KIF6: variants seen among roughly 807,000 people sequenced by gnomAD.
KIF6 encodes kinesin-like protein KIF6.
A neutral mutation model predicts 112.7 loss-of-function variants in KIF6; 106 were observed. The observed-to-expected ratio is 0.94, with a 90% CI of 0.80 to 1.11. KIF6 has a LOEUF of 1.11. Among genes scored for constraint, KIF6 ranks in the 50% least tolerant of loss-of-function variants. KIF6 has a pLI of 0.00. For missense variants in KIF6, 929 were observed against 964.0 expected (o/e 0.96, Z 0.48); for synonymous variants, 339 against 339.9 (o/e 1.00, Z 0.03).
chr6:39,501,026 C>T (rs539940259), intron 13 of KIF6, among the ~76,000 whole-genome samples: 2 of 152,134 alleles, frequency 1.3e-5, no homozygotes, highest in African/African-American at 2.4e-5. Flanking sequence ...GCACCTTCAA[C>T]TGAAATATCT....
chr6:39,704,618 T>C (rs1447343843), intron 3 of KIF6, among the ~76,000 whole-genome samples: 11 of 144,034 alleles, frequency 7.6e-5, no homozygotes, highest in Admixed American at 6.3e-4. Flanking sequence ...ACTCCGTCTT[T>C]AAAAAAAAAA....
In KIF6 at chr6:39,342,384, T is replaced by C. The variant is rs1483018605; in HGVS notation, c.2428+1325A>G. Among the ~76,000 whole-genome samples the C allele has an allele frequency of 6.6e-6, 1 of 152,210 alleles. No homozygotes were observed. The highest frequency in any genetic ancestry group is 1.5e-5 in the Non-Finnish European group (1 of 68,030). On this transcript the variant is annotated intron_variant, in intron 22 of 22. Transcript: ENST00000287152. This position sits in a 1 kb window ranked among gnomAD's most constrained non-coding sequence, Gnocchi z 4.7. ...GTCGACGTGTTCATTGTCTGTCTCCTTCCTCCCCCTAGAATGTCAGTTTCT... is the reference window on the plus strand; with the variant it reads ...GTCGACGTGTTCATTGTCTGTCTCCCTCCTCCCCCTAGAATGTCAGTTTCT...
At chr6:39,452,191 A>G (rs981040673) in intron 13 of KIF6, among the ~76,000 whole-genome samples, 5 of 151,632 alleles carry the variant, frequency 3.3e-5, no homozygotes, top group Non-Finnish European at 4.4e-5. Flanking sequence ...TGGGGCCCCA[A>G]TTGCCCTCAT....
intron 13 of KIF6, among the ~76,000 whole-genome samples, chr6:39,486,621 G>A (rs945372986): frequency 6.6e-6 from 1 of 152,226 alleles, no homozygotes; most frequent in Non-Finnish European, 1.5e-5. Flanking sequence ...CGACTGAGAT[G>A]CACAGAAAGA....
intron 13 of KIF6, among the ~76,000 whole-genome samples, chr6:39,511,736 T>A (rs1776796169): frequency 6.6e-6 from 1 of 152,182 alleles, no homozygotes; most frequent in Non-Finnish European, 1.5e-5. Flanking sequence ...ATGTGGCACA[T>A]ATACACCATG....
intron 13 of KIF6, among the ~76,000 whole-genome samples, chr6:39,470,553 C>T (rs781757263): frequency 1.8e-4 from 27 of 152,060 alleles, no homozygotes; most frequent in Non-Finnish European, 3.4e-4. Context: ...AGGATGATTG[C>T]GGGGGAGGTC....
At chr6:39,434,880 G>C (rs1329529768) in intron 13 of KIF6, among the ~76,000 whole-genome samples, 1 of 152,132 alleles carries the variant, frequency 6.6e-6, no homozygotes, top group Non-Finnish European at 1.5e-5. Context: ...ATTAATATGG[G>C]TGGCTCTGCC....
At position 39,720,746 on chromosome 6, in the gene KIF6, C is replaced by A. The variant is rs147204228; in HGVS notation, c.132G>T (p.Leu44Phe). The A allele has an allele frequency of 6.2e-7, 1 of 1,610,024 alleles. No individual in the cohort carries two copies. Among genetic ancestry groups the A allele is most frequent in the Non-Finnish European group, 8.5e-7 (1 of 1,176,504 alleles). The change falls in exon 2 of 23, where the codon TTG (leucine) becomes TTT (phenylalanine). Residue 44 changes from leucine to phenylalanine, a missense_variant. Leu to Phe is a conservative substitution (Grantham distance 22, BLOSUM62 0). Coordinates refer to ENST00000287152, the MANE Select transcript of KIF6 (RefSeq NM_145027.6). ...PSLEIILPRDLADGFVNNKRE... is the reference protein window; with the variant it reads ...PSLEIILPRDFADGFVNNKRE... ...GCTTATTATTCACAAACCCATCTGCCAAATCACGTGGTAAGATGATTTCCA... is the reference window on the plus strand; with the variant it reads ...GCTTATTATTCACAAACCCATCTGCAAAATCACGTGGTAAGATGATTTCCA...
intron 13 of KIF6, among the ~76,000 whole-genome samples, chr6:39,533,744 G>A (rs1778225757): frequency 6.6e-6 from 1 of 152,224 alleles, no homozygotes; most frequent in Admixed American, 6.5e-5. Context: ...TCTGAGAACT[G>A]GCAGACTGCC....
chr6:39,363,317 A>G, intron 16 of KIF6, among the ~76,000 whole-genome samples: 1 of 152,196 alleles, frequency 6.6e-6, no homozygotes, highest in East Asian at 1.9e-4. Context: ...AGTGGTTCTC[A>G]AGCCTGATGA....
intron 13 of KIF6, among the ~76,000 whole-genome samples, chr6:39,516,537 A>G (rs924878908): frequency 1.3e-5 from 2 of 150,240 alleles, no homozygotes; most frequent in Non-Finnish European, 3.0e-5. Flanking sequence ...ATATAAATAA[A>G]TAAAGGAAAT....
chr6:39,395,442 A>T (rs761345352), intron 15 of KIF6, among the ~76,000 whole-genome samples: 6 of 152,216 alleles, frequency 3.9e-5, no homozygotes, highest in Non-Finnish European at 8.8e-5. Flanking sequence ...CTGAGGGCTC[A>T]TGATTGTGTT....
intron 14 of KIF6, among the ~76,000 whole-genome samples, chr6:39,422,986 A>C (rs575198205): frequency 9.3e-4 from 142 of 152,336 alleles, no homozygotes; most frequent in African/African-American, 3.3e-3. Context: ...GAGGAGGGGC[A>C]GGAAGGTTGT....
chr6:39,379,431 G>A (rs1766729359), intron 16 of KIF6, among the ~76,000 whole-genome samples: 1 of 152,162 alleles, frequency 6.6e-6, no homozygotes, highest in Non-Finnish European at 1.5e-5. Context: ...TGGCTGCTAG[G>A]GATTCGAAGA....
At chr6:39,706,369 T>C (rs1789211194) in intron 3 of KIF6, among the ~76,000 whole-genome samples, 1 of 152,214 alleles carries the variant, frequency 6.6e-6, no homozygotes, top group African/African-American at 2.4e-5. Flanking sequence ...TTACATCAAC[T>C]GCTGTTGTTT....
At position 39,346,049 on chromosome 6, in the gene KIF6, G is replaced by GCT. The variant is rs1203700665; in HGVS notation, c.2232-262_2232-261dup. Among the ~76,000 whole-genome samples the GCT allele has an allele frequency of 2.3e-3, 68 of 29,000 alleles. 5 individuals are homozygous for GCT. Among genetic ancestry groups the GCT allele is most frequent in the South Asian group, 4.7e-3 (3 of 644 alleles). The allele number at this position is 29,000 out of a possible 152,430, so 19.0% of individuals were successfully genotyped here. ...TAAGAGGAGGATGAGAAACTACAGT[G>GCT]CTCTCTCTCTCTCTCTCTCTCTCTC... On this transcript the variant is annotated intron_variant, in intron 20 of 22. Transcript: ENST00000287152.
rs960117709 is a variant in KIF6 at position 39,410,856 on chromosome 6, C to A, written c.1810+9092G>T. Reference sequence around the variant, plus strand: ...ATTATTGCACCTGTCCTACCTATACCCTTTTTAAAAGAGAGAGCTTCCTCC... The same window carrying A: ...ATTATTGCACCTGTCCTACCTATACACTTTTTAAAAGAGAGAGCTTCCTCC... On this transcript the variant is annotated intron_variant, in intron 15 of 22. Coordinates refer to ENST00000287152, the MANE Select transcript of KIF6 (RefSeq NM_145027.6). 2.6e-5 allele frequency among the ~76,000 whole-genome samples: 4 copies of A among 152,180 alleles called. No individual in the cohort carries two copies. The East Asian group carries it at 7.7e-4, about 29-fold the overall frequency.
At chr6:39,372,589 C>T (rs1301090392) in intron 16 of KIF6, among the ~76,000 whole-genome samples, 1 of 152,080 alleles carries the variant, frequency 6.6e-6, no homozygotes, top group Non-Finnish European at 1.5e-5. Flanking sequence ...TTATTATAAA[C>T]CATTGCAAAC....
intron 15 of KIF6, among the ~76,000 whole-genome samples, chr6:39,401,539 CCTCAGAGCTCTCA>C (rs1768701602): frequency 6.6e-6 from 1 of 152,136 alleles, no homozygotes; most frequent in Admixed American, 6.5e-5. Flanking sequence ...AGGATACATG[CCTCAGAGCTCTCA>C]CTCCTGCAGA....
Sources: gnomAD v4.1 joint callset for allele counts (sites outside exome capture counted in the v4.1 genomes callset) on GRCh38, gnomAD v4.1.1 for gene constraint, Gnocchi (gnomAD v3.1) non-coding constraint, MANE v1.5 for transcripts, NCBI Gene and HGNC (gene_info 2026-07-23, HGNC 2026-07-21) for gene names.